The following PGAP4 variants were observed in gnomAD, a reference collection of about 807,000 sequenced individuals.
PGAP4 encodes the protein post-GPI attachment to proteins GalNAc transferase 4.
PGAP4 carries 12 observed loss-of-function variants against 28.2 expected under a neutral mutation model. The ratio of observed to expected loss-of-function variants is 0.42; its 90% CI spans 0.27 to 0.69. PGAP4 has a LOEUF of 0.69. Among genes scored for constraint, PGAP4 ranks in the 30% least tolerant of loss-of-function variants. The pLI, the probability that PGAP4 is intolerant of heterozygous loss-of-function variation, is 0.22. For missense variants in PGAP4, 425 were observed against 513.5 expected (o/e 0.83, Z 1.67); for synonymous variants, 205 against 211.8 (o/e 0.97, Z 0.28).
chr9:101,493,245 T>G lies in PGAP4; in HGVS notation c.-164-4045A>C, dbSNP rs866118271. Among the ~76,000 whole-genome samples the G allele has an allele frequency of 9.7e-4, 130 of 133,818 alleles. 1 individual carries two copies. In the Middle Eastern group the frequency reaches 0.033, roughly 34 times the overall value. The allele number at this position is 133,818 out of a possible 152,430, so 87.8% of individuals were successfully genotyped here. Reference sequence around the variant, plus strand: ...CTCCAGCCTGGTGACAGAGCGAGACTCCATCTCAAAAAAAAAAAAAAAAAT... The same window carrying G: ...CTCCAGCCTGGTGACAGAGCGAGACGCCATCTCAAAAAAAAAAAAAAAAAT... On this transcript the variant is annotated intron_variant, in intron 2 of 3. Transcript: ENST00000374851.
At chr9:101,502,283 CTTG>C (rs1259152983) in intron 2 of PGAP4, among the ~76,000 whole-genome samples, 10 of 152,170 alleles carry the variant, frequency 6.6e-5, no homozygotes, top group Non-Finnish European at 1.5e-5. Flanking sequence ...CATGTTTGAA[CTTG>C]TTAAGAAAAT....
At chr9:101,497,976 A>G (rs1211243649) in intron 2 of PGAP4, among the ~76,000 whole-genome samples, 2 of 151,858 alleles carry the variant, frequency 1.3e-5, no homozygotes, top group African/African-American at 2.4e-5. Flanking sequence ...AGTTTGTAAA[A>G]GATAGTTGGA....
chr9:101,504,205 G>GTTTTT (rs373740296), intron 2 of PGAP4, among the ~76,000 whole-genome samples: 8 of 34,548 alleles, frequency 2.3e-4, no homozygotes, highest in Non-Finnish European at 3.6e-4. Context: ...GTGTGTGTGT[G>GTTTTT]TTTGTTTTTT....
At chr9:101,522,854 G>A (rs895012320) in intron 2 of PGAP4, among the ~76,000 whole-genome samples, 21 of 152,120 alleles carry the variant, frequency 1.4e-4, no homozygotes, top group Admixed American at 1.2e-3. Context: ...GTTCTGTTTT[G>A]TTGTGTTTCC....
At position 101,494,963 on chromosome 9, in the gene PGAP4, A is replaced by G. The variant is rs139816522; in HGVS notation, c.-164-5763T>C. On this transcript the variant is annotated intron_variant, in intron 2 of 3. Coordinates refer to the PGAP4 transcript ENST00000374851. ...AAATGTAACTTTAGAAAAGATTAAT[A>G]TAACAAACAAATTATCACTGATAAC... Among the ~76,000 whole-genome samples the G allele has an allele frequency of 4.5e-3, 682 of 149,982 alleles. 8 individuals are homozygous for G. The highest frequency in any genetic ancestry group is 8.0e-3 in the Non-Finnish European group (538 of 67,270).
intron 2 of PGAP4, among the ~76,000 whole-genome samples, chr9:101,514,364 C>T (rs188361831): frequency 5.9e-4 from 90 of 152,196 alleles, no homozygotes; most frequent in Non-Finnish European, 2.8e-4. Context: ...TATTTTGCTT[C>T]GAAGTTTTAT....
chr9:101,495,479 A>ATATTATATATGCT (rs1826738598), intron 2 of PGAP4, among the ~76,000 whole-genome samples: 2 of 138,816 alleles, frequency 1.4e-5, no homozygotes, highest in Admixed American at 8.0e-5. Flanking sequence ...TATATAATAT[A>ATATTATATATGCT]TATAGGCTTT....
chr9:101,481,924 CT>C (rs1402445087), intron 1 of PGAP4, among the ~76,000 whole-genome samples: 1 of 152,112 alleles, frequency 6.6e-6, no homozygotes, highest in Non-Finnish European at 1.5e-5. Flanking sequence ...TTCCCCTCGC[CT>C]TCCCCTTGTC....
At chr9:101,508,471 A>G (rs1429356132) in intron 2 of PGAP4, among the ~76,000 whole-genome samples, 1 of 152,142 alleles carries the variant, frequency 6.6e-6, no homozygotes. Context: ...CTATCATAAC[A>G]AAGAGGCTCC....
At chr9:101,522,497 C>T (rs933063967) in intron 2 of PGAP4, among the ~76,000 whole-genome samples, 1 of 152,084 alleles carries the variant, frequency 6.6e-6, no homozygotes, top group Non-Finnish European at 1.5e-5. Flanking sequence ...ATTGCTGTTG[C>T]TTTAAAGTTT....
rs1295013460 is a variant in PGAP4 at position 101,514,876 on chromosome 9, T to C, written c.-165+16472A>G. ...ACTTTATACTGATGTGGTATGTATA[T>C]AGGATCTGTTGGGAACTCCTCAAAA... On this transcript the variant is annotated intron_variant, in intron 2 of 3. Transcript: ENST00000374851. Among the ~76,000 whole-genome samples, 3 of 152,232 alleles carry C rather than the reference T, an allele frequency of 2.0e-5. No homozygotes were observed. In the East Asian group the frequency reaches 5.8e-4, roughly 29 times the overall value.
chr9:101,488,539 A>T (rs911606297), upstream of PGAP4, among the ~76,000 whole-genome samples: 3 of 152,184 alleles, frequency 2.0e-5, no homozygotes, highest in African/African-American at 7.2e-5. Context: ...TTTACATGAG[A>T]TAATGTATAT....
chr9:101,475,885 A>G lies in PGAP4; in HGVS notation c.1208T>C (p.Leu403Pro), dbSNP rs757965846. The change falls in exon 2 of 2, where the codon CTC (leucine) becomes CCC (proline). Residue 403 changes from leucine to proline, a missense_variant. Leu to Pro is a moderately conservative substitution (Grantham distance 98). Transcript: ENST00000374848. ...AGAAAGGCATCTCTTGGCACCCTAGAGGAGACTGGGATGAAAGTTGTACCG... is the reference window on the plus strand; with the variant it reads ...AGAAAGGCATCTCTTGGCACCCTAGGGGAGACTGGGATGAAAGTTGTACCG... ...SLRYNFHPSL[L>P] The G allele has an allele frequency of 6.2e-7, 1 of 1,613,738 alleles. No homozygotes were observed. The highest frequency in any genetic ancestry group is 8.5e-7 in the Non-Finnish European group (1 of 1,179,790).
rs1019331160 is a variant in PGAP4, at chr9:101,520,031, T to C, written c.-165+11317A>G. Among the ~76,000 whole-genome samples, 11 of 152,218 alleles carry C rather than the reference T, an allele frequency of 7.2e-5. No homozygotes were observed. The East Asian group carries it at 2.1e-3, about 29-fold the overall frequency. ...CTTTGTTGAAGATAAGTTGACTGTA[T>C]TTGGCTTTATTTCTGGATTCTTTAT... On this transcript the variant is annotated intron_variant, in intron 2 of 3. Coordinates refer to the PGAP4 transcript ENST00000374851.
At position 101,476,251 on chromosome 9, in the gene PGAP4, A is replaced by G. The variant is rs774714298; in HGVS notation, c.842T>C (p.Met281Thr). The stretch of plus-strand genomic sequence containing the variant: ...AAACCCTGGGCGGCTGGCAAACCTC[A>G]TGTATATCCAGGTTAGTAAGGGCCC... ...LLGPLLTWIY[M>T]RFASRPGFSW... Residue 281 changes from methionine (M) to threonine (T), a missense_variant, in exon 2 of 2, where the codon ATG becomes ACG. Transcript: ENST00000374848. The surrounding 1 kb of genome is among the most constrained non-coding windows in gnomAD (Gnocchi z 7.0). 3.5e-5 allele frequency: 57 copies of G among 1,613,958 alleles called. No individual in the cohort carries two copies. Among genetic ancestry groups the G allele is most frequent in the Non-Finnish European group, 4.7e-5 (56 of 1,180,020 alleles).
upstream of PGAP4, among the ~76,000 whole-genome samples, chr9:101,489,369 A>G (rs79282811): frequency 0.019 from 2,820 of 152,238 alleles, 82 homozygotes; most frequent in African/African-American, 0.065. Context: ...ACAACAGGAT[A>G]ATGAAAAAAA....
upstream of PGAP4, chr9:101,533,561 G>A (rs1292524490): frequency 6.6e-6 from 1 of 152,258 alleles, no homozygotes; most frequent in Non-Finnish European, 1.5e-5. Flanking sequence ...GCAACAGAAT[G>A]AGGAACTTTA....
In PGAP4 at chr9:101,516,843, A is replaced by T. The variant is rs181461024; in HGVS notation, c.-165+14505T>A. Among the ~76,000 whole-genome samples the T allele has an allele frequency of 2.0e-5, 3 of 152,258 alleles. 1 individual carries two copies. Among genetic ancestry groups the T allele is most frequent in the Admixed American group, 2.0e-4 (3 of 15,290 alleles). The stretch of plus-strand genomic sequence containing the variant: ...AAAACATCACATGAGGTTGGTTATC[A>T]CTGGGAGACAATGAGGCAACACAGC... On this transcript the variant is annotated intron_variant, in intron 2 of 3. Transcript: ENST00000374851.
intron 2 of PGAP4, among the ~76,000 whole-genome samples, chr9:101,500,371 A>G (rs75782991): frequency 1.4e-3 from 209 of 151,974 alleles, no homozygotes; most frequent in African/African-American, 4.7e-3. Flanking sequence ...TCCTCGCATT[A>G]CTGTAACCTT....
Sources: gnomAD v4.1 joint callset for allele counts (sites outside exome capture counted in the v4.1 genomes callset) on GRCh38, gnomAD v4.1.1 for gene constraint, Gnocchi (gnomAD v3.1) non-coding constraint, MANE v1.5 for transcripts, NCBI Gene and HGNC (gene_info 2026-07-23, HGNC 2026-07-21) for gene names.